Variants in SPMIP11 observed in about 807,000 individuals in gnomAD.
SPMIP11 encodes the protein sperm microtubule inner protein 11, also known as long intergenic non-protein coding RNA 935.
the SPMIP11 span, among the ~76,000 whole-genome samples, chr12:48,750,083 G>A: frequency 6.1e-4 from 93 of 151,826 alleles, no homozygotes; most frequent in South Asian, 2.1e-3. Context: ...TGGGTGCAGT[G>A]GCCCAGGCCT....
the SPMIP11 span, among the ~76,000 whole-genome samples, chr12:48,748,366 G>A: frequency 6.6e-6 from 1 of 151,952 alleles, no homozygotes; most frequent in African/African-American, 2.4e-5. Flanking sequence ...GGAAGGGCAA[G>A]GGAAGAAACC....
At chr12:48,762,260 G>T in the SPMIP11 span, among the ~76,000 whole-genome samples, 7 of 142,382 alleles carry the variant, frequency 4.9e-5, no homozygotes, top group African/African-American at 1.9e-4. Flanking sequence ...GGGTTTCACC[G>T]TGTTAGCTAG....
At chr12:48,769,986 C>T in the SPMIP11 span, among the ~76,000 whole-genome samples, 1 of 151,828 alleles carries the variant, frequency 6.6e-6, no homozygotes. Context: ...TGGTCTTGAT[C>T]TCTTGACCTC....
chr12:48,752,384 G>A, the SPMIP11 span, among the ~76,000 whole-genome samples: 1 of 152,072 alleles, frequency 6.6e-6, no homozygotes, highest in Admixed American at 6.6e-5. Flanking sequence ...GAAAGAGGCT[G>A]GTCAACTCAC....
the SPMIP11 span, among the ~76,000 whole-genome samples, chr12:48,764,466 A>AT: frequency 6.7e-4 from 102 of 152,262 alleles, no homozygotes; most frequent in African/African-American, 2.4e-3. Flanking sequence ...AAAGGAAGCC[A>AT]TTTTTTCCAA....
the SPMIP11 span, among the ~76,000 whole-genome samples, chr12:48,753,826 C>T: frequency 6.6e-6 from 1 of 151,674 alleles, no homozygotes; most frequent in African/African-American, 2.4e-5. Context: ...CCTCAGCCTC[C>T]GGAGTAGCTG....
At chr12:48,748,042 A>G in the SPMIP11 span, among the ~76,000 whole-genome samples, 26 of 152,132 alleles carry the variant, frequency 1.7e-4, no homozygotes, top group Non-Finnish European at 2.8e-4. Context: ...TCCTCAAGTC[A>G]ACTATTTCAC....
the SPMIP11 span, among the ~76,000 whole-genome samples, chr12:48,743,054 C>T: frequency 6.6e-6 from 1 of 151,998 alleles, no homozygotes; most frequent in Non-Finnish European, 1.5e-5. Flanking sequence ...TCAAGACCAG[C>T]CTGGGCAACA....
the SPMIP11 span, among the ~76,000 whole-genome samples, chr12:48,770,195 C>A: frequency 6.6e-6 from 1 of 151,856 alleles, no homozygotes; most frequent in South Asian, 2.1e-4. Flanking sequence ...TGATCCACCG[C>A]GCCCGGCATG....
chr12:48,742,623 C>T, the SPMIP11 span, among the ~76,000 whole-genome samples: 1 of 152,070 alleles, frequency 6.6e-6, no homozygotes, highest in African/African-American at 2.4e-5. Context: ...GTGGCTCACA[C>T]CTGTAATCTC....
At chr12:48,771,214 C>G in the SPMIP11 span, 3 of 565,720 alleles carry the variant, frequency 5.3e-6, no homozygotes, top group African/African-American at 5.6e-5. This position sits in a 1 kb window ranked among gnomAD's most constrained non-coding sequence, Gnocchi z 4.3. Flanking sequence ...GAACACAGAC[C>G]CACAAGTGCA....
chr12:48,740,173 G>A, the SPMIP11 span, among the ~76,000 whole-genome samples: 1 of 152,040 alleles, frequency 6.6e-6, no homozygotes, highest in Non-Finnish European at 1.5e-5. Context: ...AACTTTTCTT[G>A]CTAATGTAAC....
At chr12:48,768,651 G>C in the SPMIP11 span, 1 of 1,614,076 alleles carries the variant, frequency 6.2e-7, no homozygotes, top group African/African-American at 1.3e-5. Flanking sequence ...CCTTCACCTT[G>C]ACCACCCCTC....
At chr12:48,736,261 A>C in the SPMIP11 span, 1 of 307,408 alleles carries the variant, frequency 3.3e-6, no homozygotes, top group Non-Finnish European at 6.4e-6. Context: ...AACACACGAA[A>C]ATTAGCCAGG....
the SPMIP11 span, among the ~76,000 whole-genome samples, chr12:48,754,855 T>C: frequency 2.0e-5 from 3 of 147,786 alleles, no homozygotes; most frequent in Non-Finnish European, 4.4e-5. Context: ...TCAGCGATCT[T>C]CCCACTTCAG....
At chr12:48,751,297 C>G in the SPMIP11 span, among the ~76,000 whole-genome samples, 1 of 152,194 alleles carries the variant, frequency 6.6e-6, no homozygotes, top group Non-Finnish European at 1.5e-5. Context: ...GGGGAACATA[C>G]TTTGGTCTAT....
the SPMIP11 span, chr12:48,764,916 G>C: frequency 1.4e-6 from 1 of 702,980 alleles, no homozygotes; most frequent in Non-Finnish European, 2.6e-6. Context: ...GTGGTCCCAT[G>C]ATCCAGGAGT....
chr12:48,747,456 T>A, the SPMIP11 span, among the ~76,000 whole-genome samples: 1 of 152,198 alleles, frequency 6.6e-6, no homozygotes, highest in African/African-American at 2.4e-5. Context: ...TACCTCCACC[T>A]CCCACTTTGA....
At chr12:48,770,756 G>A in the SPMIP11 span, 2 of 1,612,528 alleles carry the variant, frequency 1.2e-6, no homozygotes, top group Non-Finnish European at 8.5e-7. Flanking sequence ...AAGCAACAAA[G>A]CCCTCTTACC....
Sources: gnomAD v4.1 joint callset for allele counts (sites outside exome capture counted in the v4.1 genomes callset) on GRCh38, gnomAD v4.1.1 for gene constraint, Gnocchi (gnomAD v3.1) non-coding constraint, MANE v1.5 for transcripts, NCBI Gene and HGNC (gene_info 2026-07-23, HGNC 2026-07-21) for gene names.